The following RALGAPA2 variants were observed in gnomAD, a reference collection of about 807,000 sequenced individuals.
The protein encoded by RALGAPA2 is Ral GTPase activating protein catalytic subunit alpha 2.
In RALGAPA2, 139 loss-of-function variants were observed where a neutral mutation model predicts 230.4. The ratio of observed to expected loss-of-function variants is 0.60; its 90% confidence interval spans 0.53 to 0.69. The LOEUF (loss-of-function observed/expected upper bound fraction) is 0.69, where lower values mean the gene tolerates loss of function less well. RALGAPA2 is among the 30% of genes least tolerant of loss of function. The pLI is 0.00. For missense variants in RALGAPA2, 2,163 were observed against 2,276.0 expected (o/e 0.95, Z 1.01); for synonymous variants, 847 against 837.8 (o/e 1.01, Z -0.19).
At chr20:20,704,762 C>A (rs2069527823) in intron 1 of RALGAPA2, among the ~76,000 whole-genome samples, 1 of 152,220 alleles carries the variant, frequency 6.6e-6, no homozygotes, top group African/African-American at 2.4e-5. Context: ...TGTGGCTCCT[C>A]TTCTGCTTAA....
At chr20:20,424,398 G>C (rs527990278) in intron 37 of RALGAPA2, among the ~76,000 whole-genome samples, 4 of 152,282 alleles carry the variant, frequency 2.6e-5, no homozygotes, top group Admixed American at 2.0e-4. Flanking sequence ...GATTCAACAG[G>C]CTACTTCAAT....
chr20:20,638,514 A>G (rs1426907501), intron 7 of RALGAPA2, among the ~76,000 whole-genome samples: 1 of 152,188 alleles, frequency 6.6e-6, no homozygotes, highest in Admixed American at 6.5e-5. Context: ...CACAATTAGG[A>G]AGTTCACAGT....
chr20:20,396,653 A>G, intron 39 of RALGAPA2, 42 bp downstream of exon 39: 2 of 1,564,480 alleles, frequency 1.3e-6, no homozygotes, highest in South Asian at 1.1e-5. Context: ...CCCCTCCCCA[A>G]AGCAGGGTGG....
intron 19 of RALGAPA2, 29 bp from the exon 20 acceptor site, chr20:20,583,255 G>T: frequency 1.3e-6 from 2 of 1,562,362 alleles, no homozygotes; most frequent in Non-Finnish European, 1.7e-6. Context: ...CAAAGTTTAA[G>T]ATAAAAAATA....
chr20:20,538,258 G>T (rs2063549703), intron 24 of RALGAPA2, among the ~76,000 whole-genome samples: 1 of 152,190 alleles, frequency 6.6e-6, no homozygotes, highest in South Asian at 2.1e-4. Flanking sequence ...TATTCCATGG[G>T]ATGAGGCAAG....
Position 20,580,056 on chromosome 20 carries a change from T to C in RALGAPA2, c.2707+2994A>G, listed in dbSNP as rs144366042. Among the ~76,000 whole-genome samples the C allele has an allele frequency of 1.4e-3, 217 of 152,326 alleles. 1 individual carries two copies. The highest frequency in any genetic ancestry group is 4.9e-3 in the African/African-American group (205 of 41,568). On this transcript the variant is annotated intron_variant, in intron 20 of 39. Transcript: ENST00000202677. ...AAAAACTATAGTGGCTTATGACTTA[T>C]TCATCTTTTTATTTCTCAGAGCATC... is the stretch of plus-strand genomic sequence containing the variant.
In RALGAPA2 at chr20:20,514,497, G is replaced by A. The variant is rs1301041996; in HGVS notation, c.4085-1213C>T. 2.0e-5 allele frequency among the ~76,000 whole-genome samples: 3 copies of A among 151,648 alleles called. No homozygotes were observed. In the South Asian group the frequency reaches 6.3e-4, roughly 32 times the overall value. On this transcript the variant is annotated intron_variant, in intron 31 of 39. Transcript: ENST00000202677. ...AACCCTCTCCACTCCACATCCAGAT[G>A]GATCTCCAGGTATTCGGCACACTTC...
At chr20:20,504,941 T>G in intron 34 of RALGAPA2, 30 of 956,368 alleles carry the variant, frequency 3.1e-5, no homozygotes, top group South Asian at 9.7e-5. Flanking sequence ...TCAATCATCC[T>G]GAAATCTACC....
At chr20:20,461,607 C>T (rs2061303540) in intron 37 of RALGAPA2, among the ~76,000 whole-genome samples, 1 of 152,172 alleles carries the variant, frequency 6.6e-6, no homozygotes, top group African/African-American at 2.4e-5. Flanking sequence ...TGGATGGAGA[C>T]CCCAAAATCT....
intron 2 of RALGAPA2, among the ~76,000 whole-genome samples, chr20:20,680,390 A>G (rs558021219): frequency 6.6e-6 from 1 of 152,196 alleles, no homozygotes; most frequent in East Asian, 1.9e-4. Context: ...TGGAATCTAA[A>G]TTTTTTTAAT....
chr20:20,606,326 C>T (rs1447580961), intron 14 of RALGAPA2, among the ~76,000 whole-genome samples: 1 of 152,148 alleles, frequency 6.6e-6, no homozygotes, highest in Non-Finnish European at 1.5e-5. Context: ...CCTCTGTGTG[C>T]TGCTGACTTC....
chr20:20,590,597 T>C (rs1446408535), intron 17 of RALGAPA2, among the ~76,000 whole-genome samples: 1 of 152,248 alleles, frequency 6.6e-6, no homozygotes, highest in Non-Finnish European at 1.5e-5. Flanking sequence ...TTCTTCACTG[T>C]TTACAGGTCA....
rs139293825 is a variant in RALGAPA2, at chr20:20,698,452, C to T, written c.106+13923G>A. 3.7e-3 allele frequency among the ~76,000 whole-genome samples: 567 copies of T among 152,160 alleles called. 3 individuals are homozygous for T. The highest frequency in any genetic ancestry group is 0.013 in the African/African-American group (529 of 41,506). On this transcript the variant is annotated intron_variant, in intron 1 of 39. Coordinates refer to ENST00000202677, the MANE Select transcript of RALGAPA2 (RefSeq NM_020343.4). Reference sequence around the variant, plus strand: ...GTCACCAGACTGGAGTGTGGTGGCACGATCTTGGCTCACTGCAACCTCCAT... The same window carrying T: ...GTCACCAGACTGGAGTGTGGTGGCATGATCTTGGCTCACTGCAACCTCCAT...
intron 16 of RALGAPA2, chr20:20,598,561 C>A: frequency 3.7e-6 from 1 of 267,608 alleles, no homozygotes. Flanking sequence ...CAATTTAACA[C>A]TAGTGTAATG....
intron 20 of RALGAPA2, among the ~76,000 whole-genome samples, chr20:20,576,760 T>C (rs376312054): frequency 3.0e-4 from 45 of 152,228 alleles, no homozygotes; most frequent in Middle Eastern, 3.4e-3. Flanking sequence ...CTAGAAATTA[T>C]CCTTTATTTT....
At chr20:20,586,266 G>A (rs909578836) in intron 18 of RALGAPA2, among the ~76,000 whole-genome samples, 3 of 152,180 alleles carry the variant, frequency 2.0e-5, no homozygotes, top group Non-Finnish European at 4.4e-5. Context: ...CCAGGGCAGT[G>A]AAACGTGGCT....
chr20:20,571,388 C>T (rs912221815), intron 23 of RALGAPA2, 70 bp downstream of exon 23: 47 of 1,439,210 alleles, frequency 3.3e-5, no homozygotes, highest in Non-Finnish European at 4.2e-5. Flanking sequence ...ATAAATATTA[C>T]TAATGTCTTT....
intron 30 of RALGAPA2, among the ~76,000 whole-genome samples, chr20:20,521,823 T>C (rs2063050551): frequency 6.6e-6 from 1 of 152,120 alleles, no homozygotes; most frequent in Non-Finnish European, 1.5e-5. Flanking sequence ...CTTGAGAAAA[T>C]AAGAAAACAC....
intron 37 of RALGAPA2, among the ~76,000 whole-genome samples, chr20:20,432,002 A>G (rs1412911963): frequency 6.6e-6 from 1 of 152,222 alleles, no homozygotes; most frequent in African/African-American, 2.4e-5. Context: ...AATGGGTTAT[A>G]CATCAGTTAA....
Sources: gnomAD v4.1 joint callset for allele counts (sites outside exome capture counted in the v4.1 genomes callset) on GRCh38, gnomAD v4.1.1 for gene constraint, MANE v1.5 for transcripts, NCBI Gene and HGNC (gene_info 2026-07-23, HGNC 2026-07-21) for gene names.